FAM149A: variants seen among roughly 807,000 people sequenced by gnomAD.
The protein encoded by FAM149A is protein FAM149A.
A neutral mutation model predicts 78.2 loss-of-function variants in FAM149A; 71 were observed. That is an observed-to-expected ratio of 0.91 (90% confidence interval 0.75 to 1.11). FAM149A has a LOEUF of 1.11. FAM149A is among the 50% of genes least tolerant of loss of function. The pLI is 0.00. For synonymous variants in FAM149A, 446 were observed against 410.5 expected (o/e 1.09, Z -1.04); for missense variants, 1,036 against 971.0 (o/e 1.07, Z -0.89).
chr4:186,167,318 C>A (rs773688461), intron 13 of FAM149A, 56 bp downstream of exon 13: 1 of 1,455,696 alleles, frequency 6.9e-7, no homozygotes, highest in Non-Finnish European at 9.7e-7. Flanking sequence ...TTTCAAGTTT[C>A]AGACAGTGAA....
chr4:186,127,041 C>T (rs1023507029), intron 1 of FAM149A: 57 of 985,202 alleles, frequency 5.8e-5, no homozygotes, highest in Admixed American at 1.2e-4. Context: ...ACAAGTGTTG[C>T]GGGCAGGACA....
chr4:186,166,388 C>T (rs962394422), intron 11 of FAM149A, among the ~76,000 whole-genome samples: 2 of 152,190 alleles, frequency 1.3e-5, no homozygotes, highest in Non-Finnish European at 2.9e-5. Context: ...CAGTGGCTCA[C>T]GCCTGTAATC....
At chr4:186,106,339 C>G (rs2150073441) in intron 1 of FAM149A, among the ~76,000 whole-genome samples, 1 of 152,294 alleles carries the variant, frequency 6.6e-6, no homozygotes, top group East Asian at 1.9e-4. Context: ...CTTTCACTTC[C>G]AAGAGTCGTG....
intron 7 of FAM149A, among the ~76,000 whole-genome samples, chr4:186,157,099 T>C (rs773723837): frequency 1.3e-4 from 20 of 152,228 alleles, no homozygotes; most frequent in Non-Finnish European, 2.8e-4. Context: ...TCATTGTTCG[T>C]GACATTATCT....
At position 186,160,358 on chromosome 4, in the gene FAM149A, G is replaced by C. The variant is rs568306613; in HGVS notation, c.1576-2487G>C. Among the ~76,000 whole-genome samples the C allele has an allele frequency of 2.8e-3, 245 of 87,090 alleles. 3 individuals carry two copies. Among genetic ancestry groups the C allele is most frequent in the Admixed American group, 3.9e-3 (28 of 7,236 alleles). The allele number at this position is 87,090 out of a possible 152,430, so 57.1% of individuals were successfully genotyped here. ...CACACACAAACACACCACACACACA[G>C]AAAATACATACCACATACACACACA... On this transcript the variant is annotated intron_variant, in intron 8 of 13. Transcript: ENST00000389354.
In FAM149A at chr4:186,156,895, AGC is replaced by A. The variant is rs367558178; in HGVS notation, c.1421-669_1421-668del. ...GAGGCTGAGATGGGAGGACCCCTTGAGCTCAGGAATTCAGTATTGAAAGTGAG... is the reference window on the plus strand; with the variant it reads ...GAGGCTGAGATGGGAGGACCCCTTGATCAGGAATTCAGTATTGAAAGTGAG... On this transcript the variant is annotated intron_variant, in intron 7 of 13. Coordinates refer to ENST00000389354, the MANE Select transcript of FAM149A (RefSeq NM_001367768.3). Among the ~76,000 whole-genome samples, 27 of 73,810 alleles carry A rather than the reference AGC, an allele frequency of 3.7e-4. No individual in the cohort carries two copies. The East Asian group carries it at 7.8e-3, about 21-fold the overall frequency. The allele number at this position is 73,810 out of a possible 152,430, so 48.4% of individuals were successfully genotyped here.
At chr4:186,166,730 AG>A (rs1427841788) in intron 11 of FAM149A, among the ~76,000 whole-genome samples, 21 of 29,414 alleles carry the variant, frequency 7.1e-4, no homozygotes, top group African/African-American at 5.0e-3. Context: ...CATTTTCTTA[AG>A]GTTTTTTTTA....
chr4:186,156,018 A>G lies in FAM149A; in HGVS notation c.1248A>G (p.Glu416=). 6.2e-7 allele frequency: 1 copy of G among 1,612,870 alleles called. No individual in the cohort carries two copies. The highest frequency in any genetic ancestry group is 8.5e-7 in the Non-Finnish European group (1 of 1,179,652). Reference sequence around the variant, plus strand: ...TTCTTAGTGATGATGAATGTCTTGAACAAAAACCAGCTCAGCCCGGTAGGA... The same window carrying G: ...TTCTTAGTGATGATGAATGTCTTGAGCAAAAACCAGCTCAGCCCGGTAGGA... Residue 416 remains glutamate (E), a synonymous_variant, in exon 7 of 14, where the codon GAA becomes GAG. Coordinates refer to ENST00000389354, the MANE Select transcript of FAM149A (RefSeq NM_001367768.3).
At chr4:186,158,082 G>T in intron 8 of FAM149A, 1 of 1,354,022 alleles carries the variant, frequency 7.4e-7, no homozygotes, top group East Asian at 4.4e-5. Context: ...GCTGCTGGCA[G>T]CTCGTGCCAT....
chr4:186,158,200 C>A, intron 8 of FAM149A: 1 of 1,280,966 alleles, frequency 7.8e-7, no homozygotes. Context: ...CTGCTGGCCG[C>A]TTCTCTCCTG....
intron 1 of FAM149A, among the ~76,000 whole-genome samples, chr4:186,129,818 G>T (rs1384408655): frequency 6.6e-6 from 1 of 152,144 alleles, no homozygotes; most frequent in African/African-American, 2.4e-5. Flanking sequence ...AAATGTACAC[G>T]TCAAGTGTTT....
chr4:186,154,220 TCACTGCAACCAAAGA>T (rs1733844928), intron 5 of FAM149A, among the ~76,000 whole-genome samples: 3 of 152,206 alleles, frequency 2.0e-5, no homozygotes, highest in African/African-American at 7.2e-5. Context: ...TGCAGTCCTT[TCACTGCAACCAAAGA>T]GGGTACAAAC....
In FAM149A at chr4:186,174,071, C is replaced by T. The variant is rs1735651908; in HGVS notation, c.*2084C>T. 1.0e-5 allele frequency among the ~76,000 whole-genome samples: 1 copy of T among 100,398 alleles called. No individual in the cohort carries two copies. Among genetic ancestry groups the T allele is most frequent in the African/African-American group, 3.7e-5 (1 of 27,330 alleles). 65.9% of individuals were successfully genotyped at this position (100,398 alleles called of 152,430 possible). ...GGAACCATCCAACTCCTTCCCTATT[C>T]AGTCCAAACTTCCTTTTTTTTTTTT... On this transcript the variant is annotated 3_prime_UTR_variant, in exon 14 of 14. Coordinates refer to ENST00000389354, the MANE Select transcript of FAM149A (RefSeq NM_001367768.3).
chr4:186,122,157 T>C (rs2150092300), intron 1 of FAM149A, among the ~76,000 whole-genome samples: 1 of 152,320 alleles, frequency 6.6e-6, no homozygotes, highest in Non-Finnish European at 1.5e-5. Flanking sequence ...AAGCTATTCG[T>C]AAAGAAACCA....
intron 1 of FAM149A, among the ~76,000 whole-genome samples, chr4:186,138,849 C>T (rs2099324607): frequency 6.6e-6 from 1 of 152,062 alleles, no homozygotes. Flanking sequence ...TGTCAGGCTG[C>T]TCCCCTGTAA....
At position 186,162,890 on chromosome 4, in the gene FAM149A, A is replaced by G; in HGVS notation, c.1621A>G (p.Met541Val). ...TTTTTATAGTGACATGAATGGTGTC[A>G]TGACAATTCAAGCAAAACCGCTTCA... The change falls in exon 9 of 14, where the codon ATG becomes GTG. Residue 541 changes from methionine to valine, a missense_variant. Coordinates refer to ENST00000389354, the MANE Select transcript of FAM149A (RefSeq NM_001367768.3). 3.7e-6 allele frequency: 6 copies of G among 1,602,414 alleles called. No individual in the cohort carries two copies. Among genetic ancestry groups the G allele is most frequent in the Non-Finnish European group, 5.1e-6 (6 of 1,176,508 alleles).
At chr4:186,124,022 G>A (rs1355361341) in intron 1 of FAM149A, 1 of 985,134 alleles carries the variant, frequency 1.0e-6, no homozygotes, top group Non-Finnish European at 1.2e-6. Flanking sequence ...CACTCACACA[G>A]ACAATGAGAA....
rs1442240225 is a variant in FAM149A, at chr4:186,105,168, C to T, written c.92C>T (p.Ser31Leu). The change falls in exon 1 of 14, where the codon TCG becomes TTG. Residue 31 changes from serine to leucine, a missense_variant. Transcript: ENST00000389354. ...CCCGCAGGCCCCTCCTCCAGACCCT[C>T]GGGAGGTGCTGCCGCTGCAGGGTCG... is the stretch of plus-strand genomic sequence containing the variant. 3 of 1,277,802 alleles carry T rather than the reference C, an allele frequency of 2.3e-6. No homozygotes were observed. Among genetic ancestry groups the T allele is most frequent in the Non-Finnish European group, 3.0e-6 (3 of 983,968 alleles). 79.2% of individuals were successfully genotyped at this position (1,277,802 alleles called of 1,614,324 possible).
At position 186,169,988 on chromosome 4, in the gene FAM149A, T is replaced by A. The variant is rs537984403; in HGVS notation, c.2219-1926T>A. 1.6e-5 allele frequency: 15 copies of A among 948,286 alleles called. 2 individuals are homozygous for A. In the South Asian group the frequency reaches 4.4e-4, roughly 28 times the overall value. The allele number at this position is 948,286 out of a possible 1,614,324, so 58.7% of individuals were successfully genotyped here. On this transcript the variant is annotated intron_variant, in intron 13 of 13. Coordinates refer to ENST00000389354, the MANE Select transcript of FAM149A (RefSeq NM_001367768.3). The stretch of plus-strand genomic sequence containing the variant: ...CAAAATATTTCCCCTCCTTAACCAT[T>A]TTTTTAATGCTTCAAAGTTCATCCC...
Sources: allele counts gnomAD v4.1 joint callset (sites outside exome capture counted in the v4.1 genomes callset), GRCh38; gene constraint gnomAD v4.1.1; transcripts MANE v1.5; gene names NCBI Gene and HGNC (gene_info 2026-07-23, HGNC 2026-07-21).